Variants in PCDHGA7 observed in about 807,000 individuals in gnomAD.
PCDHGA7 encodes the protein protocadherin gamma subfamily A, 7.
PCDHGA7 carries 44 observed loss-of-function variants against 58.3 expected under a neutral mutation model. The observed-to-expected ratio is 0.75, with a 90% CI of 0.59 to 0.97. PCDHGA7 has a LOEUF of 0.97. Ranked by LOEUF, PCDHGA7 falls within the 50% of genes least tolerant of loss-of-function variation. The pLI is 0.00. For synonymous variants in PCDHGA7, 516 were observed against 504.2 expected (o/e 1.02, Z -0.31); for missense variants, 1,266 against 1,188.7 (o/e 1.06, Z -0.96).
intron 1 of PCDHGA7, chr5:141,426,943 C>T: frequency 2.2e-6 from 1 of 456,736 alleles, no homozygotes; most frequent in Non-Finnish European, 4.4e-6. Flanking sequence ...GACCCAGTCC[C>T]AACTGGCACT....
chr5:141,393,937 A>G lies in PCDHGA7; in HGVS notation c.2424+8614A>G, dbSNP rs751838967. 26 of 1,613,788 alleles carry G rather than the reference A, an allele frequency of 1.6e-5. 2 individuals are homozygous for G. In the South Asian group the frequency reaches 2.9e-4, roughly 18 times the overall value. On this transcript the variant is annotated intron_variant, in intron 1 of 3. Coordinates refer to ENST00000518325, the MANE Select transcript of PCDHGA7 (RefSeq NM_018920.4). ...GCCTTCTTGAGTGTGCATGACCAAG[A>G]CTCTGGAAAGAATGGTCAAGTTGTC...
chr5:141,414,965 C>T lies in PCDHGA7; in HGVS notation c.2424+29642C>T, dbSNP rs564450666. On this transcript the variant is annotated intron_variant, in intron 1 of 3. Coordinates refer to ENST00000518325, the MANE Select transcript of PCDHGA7 (RefSeq NM_018920.4). ...GGCTACCTGGTGACCAAGGTGGTGG[C>T]GGTGGACAGAGACTCCGGCCAGAAC... The T allele has an allele frequency of 7.9e-5, 127 of 1,613,962 alleles. No homozygotes were observed. The highest frequency in any genetic ancestry group is 7.7e-5 in the Non-Finnish European group (91 of 1,180,046).
chr5:141,403,627 A>G lies in PCDHGA7; in HGVS notation c.2424+18304A>G, dbSNP rs1187522360. ...GCGGCGAGCCGCGTCGCTCCAGCAC[A>G]GTGCGCATCCATGTGACAGTGTTGG... On this transcript the variant is annotated intron_variant, in intron 1 of 3. Coordinates refer to ENST00000518325, the MANE Select transcript of PCDHGA7 (RefSeq NM_018920.4). 4 of 1,613,922 alleles carry G rather than the reference A, an allele frequency of 2.5e-6. No individual in the cohort carries two copies. The East Asian group carries it at 8.9e-5, about 36-fold the overall frequency.
chr5:141,499,191 C>A (rs920773306), intron 2 of PCDHGA7, among the ~76,000 whole-genome samples: 1 of 152,116 alleles, frequency 6.6e-6, no homozygotes, highest in Non-Finnish European at 1.5e-5. Context: ...ACCATTTCCC[C>A]CTTCTTAGGC....
At chr5:141,423,397 C>T (rs759822483) in intron 1 of PCDHGA7, 3 of 1,614,146 alleles carry the variant, frequency 1.9e-6, no homozygotes, top group East Asian at 2.2e-5. Context: ...GCATAAGTCA[C>T]GCCTGCTGCA....
chr5:141,406,528 TGAC>T (rs1369720853), intron 1 of PCDHGA7, among the ~76,000 whole-genome samples: 4 of 152,246 alleles, frequency 2.6e-5, no homozygotes, highest in Non-Finnish European at 5.9e-5. Context: ...AGATATTTTC[TGAC>T]GAAGATTCAA....
At chr5:141,405,357 A>G in intron 1 of PCDHGA7, 1 of 1,613,846 alleles carries the variant, frequency 6.2e-7, no homozygotes, top group Non-Finnish European at 8.5e-7. Flanking sequence ...TTTCCTATAG[A>G]AGACACCCCT....
In PCDHGA7 at chr5:141,395,432, G is replaced by A. The variant is rs963118371; in HGVS notation, c.2424+10109G>A. ...GTTATTGTTTCATTTGCTTTTAAAC[G>A]ACTTGGAAAAGATTGTTCAACCATT... On this transcript the variant is annotated intron_variant, in intron 1 of 3. Coordinates refer to ENST00000518325, the MANE Select transcript of PCDHGA7 (RefSeq NM_018920.4). The A allele has an allele frequency of 8.6e-6, 6 of 701,470 alleles. No homozygotes were observed. In the African/African-American group the frequency reaches 9.1e-5, roughly 11 times the overall value. The allele number at this position is 701,470 out of a possible 1,614,324, so 43.5% of individuals were successfully genotyped here. A position where few individuals can be genotyped will look rare whatever the true frequency, so the allele number is the denominator to read the frequency against.
At chr5:141,396,847 T>G (rs2093444333) in intron 1 of PCDHGA7, among the ~76,000 whole-genome samples, 1 of 152,190 alleles carries the variant, frequency 6.6e-6, no homozygotes. Context: ...GGGAGTTAAC[T>G]TCATAGTTTG....
chr5:141,423,299 C>T (rs1225422770), intron 1 of PCDHGA7: 2 of 1,614,128 alleles, frequency 1.2e-6, no homozygotes, highest in Non-Finnish European at 1.7e-6. Context: ...TCAGACCTCT[C>T]GCTGTACTTG....
intron 1 of PCDHGA7, chr5:141,415,782 T>C: frequency 7.4e-7 from 1 of 1,356,228 alleles, no homozygotes. Context: ...TACTTTCTGG[T>C]AAAATTCACC....
intron 1 of PCDHGA7, among the ~76,000 whole-genome samples, chr5:141,458,079 C>G (rs1016889225): frequency 6.6e-6 from 1 of 152,186 alleles, no homozygotes; most frequent in Non-Finnish European, 1.5e-5. Context: ...AACTATATTG[C>G]CGTAAGTTAA....
chr5:141,474,056 C>T (rs576482294), intron 1 of PCDHGA7, among the ~76,000 whole-genome samples: 37 of 152,136 alleles, frequency 2.4e-4, no homozygotes, highest in Non-Finnish European at 4.9e-4. Flanking sequence ...GATGACAGAG[C>T]GAGATCCTGC....
At chr5:141,441,859 G>T in intron 1 of PCDHGA7, 1 of 348,078 alleles carries the variant, frequency 2.9e-6, no homozygotes. Context: ...GGTGCTGCAC[G>T]CCGCGGAGCC....
Position 141,477,856 on chromosome 5 carries a change from G to T in PCDHGA7, c.2425-16951G>T, listed in dbSNP as rs773703641. ...CAGGTGGGAGCTCGGTGGAGATGCTGCCTCGAGGTACCTCAGCTGGCCACC... is the reference window on the plus strand; with the variant it reads ...CAGGTGGGAGCTCGGTGGAGATGCTTCCTCGAGGTACCTCAGCTGGCCACC... On this transcript the variant is annotated intron_variant, in intron 1 of 3. Coordinates refer to ENST00000518325, the MANE Select transcript of PCDHGA7 (RefSeq NM_018920.4). This position sits in a 1 kb window ranked among gnomAD's most constrained non-coding sequence, Gnocchi z 4.9. 1 of 1,613,474 alleles carries T rather than the reference G, an allele frequency of 6.2e-7. No homozygotes were observed. Among genetic ancestry groups the T allele is most frequent in the Non-Finnish European group, 8.5e-7 (1 of 1,179,854 alleles).
chr5:141,480,074 A>G (rs976924380), intron 1 of PCDHGA7, among the ~76,000 whole-genome samples: 5 of 152,196 alleles, frequency 3.3e-5, no homozygotes, highest in Non-Finnish European at 7.3e-5. Flanking sequence ...TATAAGATTC[A>G]TGCATGATAT....
At chr5:141,484,317 T>C (rs939085863) in intron 1 of PCDHGA7, among the ~76,000 whole-genome samples, 1 of 152,220 alleles carries the variant, frequency 6.6e-6, no homozygotes, top group Non-Finnish European at 1.5e-5. Context: ...CCCGCTTCCA[T>C]ACTGTCCTTG....
In PCDHGA7 at chr5:141,403,638, A is replaced by G. The variant is rs373036061; in HGVS notation, c.2424+18315A>G. On this transcript the variant is annotated intron_variant, in intron 1 of 3. Coordinates refer to ENST00000518325, the MANE Select transcript of PCDHGA7 (RefSeq NM_018920.4). ...CGTCGCTCCAGCACAGTGCGCATCCATGTGACAGTGTTGGATACAAATGAT... is the reference window on the plus strand; with the variant it reads ...CGTCGCTCCAGCACAGTGCGCATCCGTGTGACAGTGTTGGATACAAATGAT... The G allele has an allele frequency of 1.5e-5, 25 of 1,613,906 alleles. No individual in the cohort carries two copies. The East Asian group carries it at 4.5e-4, about 29-fold the overall frequency.
intron 1 of PCDHGA7, chr5:141,418,283 ATCAG>A: frequency 1.9e-6 from 3 of 1,613,996 alleles, no homozygotes; most frequent in Non-Finnish European, 2.5e-6. Context: ...AAACTTAGAA[ATCAG>A]TGAATCCGTC....
Sources: gnomAD v4.1 joint callset for allele counts (sites outside exome capture counted in the v4.1 genomes callset) on GRCh38, gnomAD v4.1.1 for gene constraint, Gnocchi (gnomAD v3.1) non-coding constraint, MANE v1.5 for transcripts, NCBI Gene and HGNC (gene_info 2026-07-23, HGNC 2026-07-21) for gene names.